The following TMEM132C variants were observed in gnomAD, a reference collection of about 807,000 sequenced individuals.
The protein encoded by TMEM132C is protein phosphatase 1, regulatory subunit 152.
Under a neutral mutation model 61.4 loss-of-function variants are expected in TMEM132C, and 29 were observed. That is an observed-to-expected ratio of 0.47 (90% CI 0.35 to 0.64). The LOEUF (loss-of-function observed/expected upper bound fraction) is 0.64, where lower values mean the gene tolerates loss of function less well. Ranked by LOEUF, TMEM132C falls within the 30% of genes least tolerant of loss-of-function variation. The pLI, the probability that TMEM132C is intolerant of heterozygous loss-of-function variation, is 0.00. For missense variants in TMEM132C, 1,408 were observed against 1,476.9 expected (o/e 0.95, Z 0.76); for synonymous variants, 656 against 633.1 (o/e 1.04, Z -0.54).
At chr12:128,479,766 A>G (rs1188310335) in intron 2 of TMEM132C, among the ~76,000 whole-genome samples, 1 of 152,206 alleles carries the variant, frequency 6.6e-6, no homozygotes, top group African/African-American at 2.4e-5. Flanking sequence ...GACCTTAAGC[A>G]AACGTCTTAA....
intron 2 of TMEM132C, among the ~76,000 whole-genome samples, chr12:128,489,734 C>G (rs539799911): frequency 6.6e-6 from 1 of 151,968 alleles, no homozygotes; most frequent in African/African-American, 2.4e-5. Context: ...TTTCACATGC[C>G]TCAGTCAGAA....
At chr12:128,344,678 G>A (rs900557658) in intron 1 of TMEM132C, among the ~76,000 whole-genome samples, 1 of 152,152 alleles carries the variant, frequency 6.6e-6, no homozygotes, top group Non-Finnish European at 1.5e-5. Flanking sequence ...GTTTGCAGTG[G>A]TGTCTCATTG....
At position 128,706,254 on chromosome 12, in the gene TMEM132C, G is replaced by T. The variant is rs559941011; in HGVS notation, c.3286G>T (p.Glu1096Ter). The T allele has an allele frequency of 1.9e-6, 3 of 1,550,374 alleles. No individual in the cohort carries two copies. Among genetic ancestry groups the T allele is most frequent in the Non-Finnish European group, 1.7e-6 (2 of 1,146,306 alleles). Residue 1096 changes from glutamate (E) to a stop codon, truncating the protein, a stop_gained, in exon 9 of 9, where the codon GAA becomes TAA. Transcript: ENST00000435159. LOFTEE classifies it low-confidence loss of function (END_TRUNC). ...CQDVAVGAPK[E>*]LRNYLEKLKD... Reference sequence around the variant, plus strand: ...AGACGTGGCTGTGGGTGCCCCCAAGGAACTTAGAAACTATCTGGAGAAACT... The same window carrying T: ...AGACGTGGCTGTGGGTGCCCCCAAGTAACTTAGAAACTATCTGGAGAAACT...
Position 128,451,030 on chromosome 12 carries a change from T to C in TMEM132C, c.974+35410T>C, listed in dbSNP as rs1438985225. Among the ~76,000 whole-genome samples, 8 of 152,230 alleles carry C rather than the reference T, an allele frequency of 5.3e-5. No homozygotes were observed. In the East Asian group the frequency reaches 1.5e-3, roughly 29 times the overall value. ...TCATGATGCTGTTAAACAAGATTTT[T>C]ATTGAAAACAAAAACAGATTCAAAG... On this transcript the variant is annotated intron_variant, in intron 2 of 8. Coordinates refer to ENST00000435159, the MANE Select transcript of TMEM132C (RefSeq NM_001136103.3).
intron 1 of TMEM132C, among the ~76,000 whole-genome samples, chr12:128,298,224 A>C (rs1329376586): frequency 6.6e-6 from 1 of 152,184 alleles, no homozygotes; most frequent in Non-Finnish European, 1.5e-5. Context: ...TGTTCCAGAA[A>C]CTAACCCATG....
intron 2 of TMEM132C, among the ~76,000 whole-genome samples, chr12:128,542,702 T>TTTTA (rs1252915038): frequency 7.0e-6 from 1 of 142,924 alleles, no homozygotes; most frequent in Non-Finnish European, 1.6e-5. Context: ...TCTACTAAAA[T>TTTTA]ACAAAAAAAG....
chr12:128,328,960 T>C lies in TMEM132C; in HGVS notation c.85+61473T>C, dbSNP rs140608954. 6.2e-3 allele frequency among the ~76,000 whole-genome samples: 951 copies of C among 152,192 alleles called. 12 individuals are homozygous for C. Among genetic ancestry groups the C allele is most frequent in the African/African-American group, 0.021 (868 of 41,528 alleles). On this transcript the variant is annotated intron_variant, in intron 1 of 8. Transcript: ENST00000435159. ...GCCTATCCTCTGTGTGCTTTGGGTT[T>C]TGTTTTGTTTTTTCCATGTTTTCCT...
At chr12:128,563,413 A>G (rs191999374) in intron 3 of TMEM132C, among the ~76,000 whole-genome samples, 1 of 152,318 alleles carries the variant, frequency 6.6e-6, no homozygotes, top group East Asian at 1.9e-4. Flanking sequence ...AAAGTTTTCA[A>G]TCACATGAGC....
At chr12:128,652,018 A>T (rs1366770601) in intron 4 of TMEM132C, among the ~76,000 whole-genome samples, 1 of 152,196 alleles carries the variant, frequency 6.6e-6, no homozygotes. Flanking sequence ...TGACTAATGC[A>T]GTTAGCACCC....
At chr12:128,549,157 G>A (rs145441400) in intron 3 of TMEM132C, among the ~76,000 whole-genome samples, 363 of 152,250 alleles carry the variant, frequency 2.4e-3, no homozygotes, top group African/African-American at 8.1e-3. Flanking sequence ...CTTGAGCTGA[G>A]TGTCTGTCTG....
chr12:128,481,387 C>T (rs1267605669), intron 2 of TMEM132C, among the ~76,000 whole-genome samples: 4 of 152,154 alleles, frequency 2.6e-5, no homozygotes, highest in Admixed American at 1.3e-4. Context: ...TCCACCAGGC[C>T]GGACGGCTTT....
In TMEM132C at chr12:128,274,255, A is replaced by G. The variant is rs78823336; in HGVS notation, c.85+6768A>G. Among the ~76,000 whole-genome samples, 185 of 152,332 alleles carry G rather than the reference A, an allele frequency of 1.2e-3. 4 individuals carry two copies. In the East Asian group the frequency reaches 0.027, roughly 22 times the overall value. The stretch of plus-strand genomic sequence containing the variant: ...AATGTGTTAGGAATGTTGAGTTTAC[A>G]CTTGCATATGGCTGGAATCCTAAAG... On this transcript the variant is annotated intron_variant, in intron 1 of 8. Coordinates refer to ENST00000435159, the MANE Select transcript of TMEM132C (RefSeq NM_001136103.3).
intron 3 of TMEM132C, among the ~76,000 whole-genome samples, chr12:128,615,090 G>A (rs764915918): frequency 3.9e-5 from 6 of 152,170 alleles, no homozygotes; most frequent in South Asian, 4.1e-4. Context: ...GAGTGGGTCC[G>A]ACTGGAGCAA....
intron 2 of TMEM132C, among the ~76,000 whole-genome samples, chr12:128,528,907 C>T (rs1421458322): frequency 6.6e-6 from 1 of 152,124 alleles, no homozygotes; most frequent in Admixed American, 6.5e-5. Flanking sequence ...GATTTCCCTG[C>T]TCAGGAAAAG....
At position 128,415,709 on chromosome 12, in the gene TMEM132C, T is replaced by C. The variant is rs1236369143; in HGVS notation, c.974+89T>C. The C allele has an allele frequency of 2.1e-6, 3 of 1,397,732 alleles. No individual in the cohort carries two copies. Among genetic ancestry groups the C allele is most frequent in the Non-Finnish European group, 9.5e-7 (1 of 1,053,926 alleles). The allele number at this position is 1,397,732 out of a possible 1,614,324, so 86.6% of individuals were successfully genotyped here. The stretch of plus-strand genomic sequence containing the variant: ...GTGGCAGATAGATATTCAGGAAGCA[T>C]CGATTTTCACTACCTTCAGGGACCG... On this transcript the variant is annotated intron_variant, in intron 2 of 8. Coordinates refer to ENST00000435159, the MANE Select transcript of TMEM132C (RefSeq NM_001136103.3). The surrounding 1 kb of genome is among the most constrained non-coding windows in gnomAD (Gnocchi z 5.8).
At chr12:128,408,324 A>G (rs1037484179) in intron 1 of TMEM132C, among the ~76,000 whole-genome samples, 8 of 152,130 alleles carry the variant, frequency 5.3e-5, no homozygotes, top group African/African-American at 1.4e-4. Context: ...AGGAATCTTT[A>G]TGTCTAGGAA....
At chr12:128,349,946 C>T (rs904583452) in intron 1 of TMEM132C, among the ~76,000 whole-genome samples, 1 of 151,448 alleles carries the variant, frequency 6.6e-6, no homozygotes, top group African/African-American at 2.4e-5. Context: ...CACACACGTG[C>T]AAGCATACAT....
In TMEM132C at chr12:128,516,317, C is replaced by T. The variant is rs548909576; in HGVS notation, c.975-27640C>T. On this transcript the variant is annotated intron_variant, in intron 2 of 8. Transcript: ENST00000435159. ...TCCGATGGGACAATTGGTGTGAGCACGACATGGCAGCTCTCACGTGCGTTA... is the reference window on the plus strand; with the variant it reads ...TCCGATGGGACAATTGGTGTGAGCATGACATGGCAGCTCTCACGTGCGTTA... Among the ~76,000 whole-genome samples, 10 of 152,246 alleles carry T rather than the reference C, an allele frequency of 6.6e-5. No individual in the cohort carries two copies. The South Asian group carries it at 1.0e-3, about 16-fold the overall frequency.
chr12:128,669,960 T>C lies in TMEM132C; in HGVS notation c.1449+400T>C, dbSNP rs577017720. Among the ~76,000 whole-genome samples, 4 of 152,356 alleles carry C rather than the reference T, an allele frequency of 2.6e-5. No individual in the cohort carries two copies. In the South Asian group the frequency reaches 8.3e-4, roughly 32 times the overall value. On this transcript the variant is annotated intron_variant, in intron 5 of 8. Transcript: ENST00000435159. Reference sequence around the variant, plus strand: ...ATCCACAATTACTTTTGTACCAACCTAATAATTAACATATGCATAACCTCA... The same window carrying C: ...ATCCACAATTACTTTTGTACCAACCCAATAATTAACATATGCATAACCTCA...
Sources: allele counts gnomAD v4.1 joint callset (sites outside exome capture counted in the v4.1 genomes callset), GRCh38; gene constraint gnomAD v4.1.1; non-coding constraint Gnocchi (gnomAD v3.1); transcripts MANE v1.5; gene names NCBI Gene and HGNC (gene_info 2026-07-23, HGNC 2026-07-21).